GINM1: variants seen among roughly 807,000 people sequenced by gnomAD.
GINM1 encodes glycosylated integral membrane protein 1.
GINM1 carries 29 observed loss-of-function variants against 37.8 expected under a neutral mutation model. The observed-to-expected ratio is 0.77, with a 90% CI of 0.57 to 1.05. GINM1 has a LOEUF of 1.05. GINM1 is among the 50% of genes least tolerant of loss of function. GINM1 has a pLI of 0.00. For synonymous variants in GINM1, 143 were observed against 146.2 expected, an observed-to-expected ratio of 0.98 and a Z score of 0.16; for missense variants, 377 against 397.9, an observed-to-expected ratio of 0.95 and a Z score of 0.45.
chr6:149,589,111 TAA>T (rs201575481), intron 7 of GINM1, among the ~76,000 whole-genome samples: 4 of 150,754 alleles, frequency 2.7e-5, no homozygotes, highest in African/African-American at 9.8e-5. Flanking sequence ...GCCATTTTTT[TAA>T]AAAAAATTTA....
chr6:149,590,580 C>CA, intron 7 of GINM1, 147 bp from the exon 8 acceptor site: 1 of 559,440 alleles, frequency 1.8e-6, no homozygotes, highest in East Asian at 3.0e-5. Context: ...TCAGTTTGTA[C>CA]AACCACTATG....
At chr6:149,583,544 G>A (rs186998938) in intron 7 of GINM1, among the ~76,000 whole-genome samples, 4 of 151,094 alleles carry the variant, frequency 2.6e-5, no homozygotes, top group Non-Finnish European at 4.4e-5. Flanking sequence ...CAGGAGAATC[G>A]CTTGAACCCG....
chr6:149,579,719 G>C, intron 4 of GINM1, 115 bp from the exon 5 acceptor site: 1 of 519,296 alleles, frequency 1.9e-6, no homozygotes, highest in Non-Finnish European at 3.3e-6. Context: ...AAGAGTAATT[G>C]TCTGAATAGG....
rs778803132 is a variant in GINM1, at chr6:149,590,773, A to C, written c.928A>C (p.Ile310Leu). Reference protein sequence around the residue: ...DKVDVIPVTAINLYPDGPEKR... With the variant: ...DKVDVIPVTALNLYPDGPEKR... ...AGTGGACGTCATACCTGTGACAGCT[A>C]TCAACTTATATCCAGATGGTCCAGA... Residue 310 changes from isoleucine to leucine, a missense_variant, in exon 8 of 8, where the codon ATC (isoleucine) becomes CTC (leucine). Transcript: ENST00000367419. 34 of 1,605,228 alleles carry C rather than the reference A, an allele frequency of 2.1e-5. No homozygotes were observed. The highest frequency in any genetic ancestry group is 2.8e-5 in the Non-Finnish European group (33 of 1,172,312).
Position 149,566,494 on chromosome 6 carries a change from C to T in GINM1, c.80C>T (p.Thr27Met). The T allele has an allele frequency of 6.5e-7, 1 of 1,539,878 alleles. No individual in the cohort carries two copies. Among genetic ancestry groups the T allele is most frequent in the Non-Finnish European group, 8.7e-7 (1 of 1,153,294 alleles). ...VALPASGWLT[T>M]GAPEPPPLSG... ...CTACCCGCCTCCGGCTGGCTGACGA[C>T]GGGCGCCCCCGAGCCGCCGCCGCTG... Residue 27 changes from threonine to methionine, a missense_variant, in exon 1 of 8, where the codon ACG (threonine) becomes ATG (methionine). By Grantham distance (81) the Thr-to-Met change is moderately conservative. Transcript: ENST00000367419. This position sits in a 1 kb window ranked among gnomAD's most constrained non-coding sequence, Gnocchi z 4.4.
At chr6:149,580,519 A>T in intron 5 of GINM1, 74 bp from the exon 6 acceptor site, 1 of 1,304,428 alleles carries the variant, frequency 7.7e-7, no homozygotes, top group Non-Finnish European at 1.1e-6. Flanking sequence ...CCTAAATGCT[A>T]TTGGTATCGT....
chr6:149,569,507 T>A (rs1262291791), intron 1 of GINM1, among the ~76,000 whole-genome samples: 2 of 150,910 alleles, frequency 1.3e-5, no homozygotes, highest in Non-Finnish European at 2.9e-5. Context: ...CCTGGCTAAT[T>A]TTTGTATTTT....
At chr6:149,571,097 C>T (rs1777811104) in intron 1 of GINM1, among the ~76,000 whole-genome samples, 1 of 152,004 alleles carries the variant, frequency 6.6e-6, no homozygotes, top group Non-Finnish European at 1.5e-5. Context: ...GGGTGGATCA[C>T]GAGGTCGGGA....
chr6:149,588,550 C>T (rs996512582), intron 7 of GINM1, among the ~76,000 whole-genome samples: 7 of 152,186 alleles, frequency 4.6e-5, no homozygotes, highest in African/African-American at 1.7e-4. Context: ...TATTCCTTTA[C>T]AGCATGTAGG....
intron 7 of GINM1, among the ~76,000 whole-genome samples, chr6:149,583,266 C>T (rs1263383801): frequency 3.3e-5 from 5 of 152,114 alleles, no homozygotes; most frequent in Non-Finnish European, 5.9e-5. Context: ...AATTTGAGAC[C>T]AGCCTGGCCA....
chr6:149,584,656 T>G (rs1344410908), intron 7 of GINM1: 1 of 152,170 alleles, frequency 6.6e-6, no homozygotes, highest in Non-Finnish European at 1.5e-5. Context: ...CAAAAGTGTT[T>G]CAGATTTCAG....
At chr6:149,572,695 T>G in intron 3 of GINM1, 92 bp downstream of exon 3, 1 of 810,566 alleles carries the variant, frequency 1.2e-6, no homozygotes, top group South Asian at 1.4e-5. Flanking sequence ...ACAGTCTTGC[T>G]CTGTCACCCA....
intron 5 of GINM1, among the ~76,000 whole-genome samples, chr6:149,580,248 T>A (rs1777979490): frequency 6.6e-6 from 1 of 152,190 alleles, no homozygotes; most frequent in African/African-American, 2.4e-5. Flanking sequence ...ATAGTGACAT[T>A]TTTCAGTAAT....
rs1302570398 is a variant in GINM1 at position 149,572,286 on chromosome 6, A to G, written c.122A>G (p.Asp41Gly). Residue 41 changes from aspartate (D) to glycine (G), a missense_variant and splice_region_variant, in exon 2 of 8, where the codon GAC (aspartate) becomes GGC (glycine). Asp to Gly is a moderately conservative substitution (Grantham distance 94). Transcript: ENST00000367419. ...EPPPLSGAPQDGIRINVTTLK... is the reference protein window; with the variant it reads ...EPPPLSGAPQGGIRINVTTLK... ...ATTTACACAATACTTGTTTTACAGG[A>G]CGGCATCAGAATTAATGTAACTACA... 6.3e-7 allele frequency: 1 copy of G among 1,586,890 alleles called. No individual in the cohort carries two copies.
At chr6:149,581,970 A>G (rs1778009203) in intron 6 of GINM1, 1 of 468,000 alleles carries the variant, frequency 2.1e-6, no homozygotes, top group Admixed American at 2.4e-5. Context: ...CTCTTAAAGT[A>G]TAGAAACATG....
At chr6:149,573,841 G>T (rs554953918) in intron 3 of GINM1, among the ~76,000 whole-genome samples, 1 of 151,210 alleles carries the variant, frequency 6.6e-6, no homozygotes, top group Admixed American at 6.6e-5. Flanking sequence ...AAAAAAATGT[G>T]CATAAAGGTA....
intron 3 of GINM1, among the ~76,000 whole-genome samples, chr6:149,573,401 C>A (rs747439520): frequency 8.2e-4 from 125 of 152,304 alleles, no homozygotes; most frequent in Non-Finnish European, 1.4e-3. Flanking sequence ...TGCACTCCAG[C>A]ATGGGTGACA....
intron 3 of GINM1, among the ~76,000 whole-genome samples, chr6:149,573,898 A>G (rs1456510242): frequency 6.6e-6 from 1 of 151,768 alleles, no homozygotes; most frequent in Admixed American, 6.6e-5. Context: ...CTGATTATCT[A>G]GTATTCAGTT....
chr6:149,580,801 TG>T, intron 6 of GINM1, 78 bp downstream of exon 6: 2 of 1,309,028 alleles, frequency 1.5e-6, no homozygotes, highest in Non-Finnish European at 2.2e-6. Context: ...TAAAATGGAG[TG>T]GAAATCCTGA....
Sources: gnomAD v4.1 joint callset for allele counts (sites outside exome capture counted in the v4.1 genomes callset) on GRCh38, gnomAD v4.1.1 for gene constraint, Gnocchi (gnomAD v3.1) non-coding constraint, MANE v1.5 for transcripts, NCBI Gene and HGNC (gene_info 2026-07-23, HGNC 2026-07-21) for gene names.